The following FLNB variants were observed in gnomAD, a reference collection of about 807,000 sequenced individuals.
FLNB encodes filamin-B.
Under a neutral mutation model 250.6 loss-of-function variants are expected in FLNB, and 111 were observed. The observed-to-expected ratio is 0.44, with a 90% CI of 0.38 to 0.52. The LOEUF (loss-of-function observed/expected upper bound fraction) is 0.52, where lower values mean the gene tolerates loss of function less well. Among genes scored for constraint, FLNB ranks in the 20% least tolerant of loss-of-function variants. The pLI, the probability that FLNB is intolerant of heterozygous loss-of-function variation, is 0.00. For synonymous variants in FLNB, 1,302 were observed against 1,372.1 expected, an observed-to-expected ratio of 0.95 and a Z score of 1.13; for missense variants, 2,869 against 3,447.8, an observed-to-expected ratio of 0.83 and a Z score of 4.20.
rs2097292361 is a variant in FLNB at position 58,123,448 on chromosome 3, C to T, written c.3482C>T (p.Ala1161Val). 3.1e-6 allele frequency: 5 copies of T among 1,610,050 alleles called. No individual in the cohort carries two copies. The highest frequency in any genetic ancestry group is 4.2e-6 in the Non-Finnish European group (5 of 1,177,098). ...AGLLSVDCSE[A>V]GPGALGLEAV... ...CTCCTTAGCGTCGACTGCTCGGAAG[C>T]GGGACCGGGGGCCCTGGGCCTGGAA... The change falls in exon 21 of 46, where the codon GCG becomes GTG. Residue 1161 changes from alanine (A) to valine (V), a missense_variant. Ala to Val is a moderately conservative substitution (Grantham distance 64). Transcript: ENST00000295956.
In FLNB at chr3:58,150,426, A is replaced by G; in HGVS notation, c.6367+199A>G. 4.7e-6 allele frequency: 3 copies of G among 632,942 alleles called. No homozygotes were observed. In the South Asian group the frequency reaches 5.9e-5, roughly 12 times the overall value. 39.2% of individuals were successfully genotyped at this position (632,942 alleles called of 1,614,324 possible). On this transcript the variant is annotated intron_variant, in intron 38 of 45. Transcript: ENST00000295956. ...TCTCATCCAAGAAAAACAAATGTTTACCTTGCTACCTTTTTCCTCTTCCAA... is the reference window on the plus strand; with the variant it reads ...TCTCATCCAAGAAAAACAAATGTTTGCCTTGCTACCTTTTTCCTCTTCCAA...
intron 1 of FLNB, among the ~76,000 whole-genome samples, chr3:58,031,387 C>CGT (rs2097130791): frequency 6.6e-6 from 1 of 150,636 alleles, no homozygotes; most frequent in Non-Finnish European, 1.5e-5. Flanking sequence ...GGACTACAGG[C>CGT]GCCCGCCACC....
At position 58,170,807 on chromosome 3, in the gene FLNB, G is replaced by A. The variant is rs2097381443; in HGVS notation, c.*45G>A. The A allele has an allele frequency of 1.9e-6, 3 of 1,573,172 alleles. No individual in the cohort carries two copies. The highest frequency in any genetic ancestry group is 2.6e-6 in the Non-Finnish European group (3 of 1,148,418). The stretch of plus-strand genomic sequence containing the variant: ...GGAGAGAGTTCTTGTGGTTGCTTTT[G>A]TTGCTTGTTTGTAATTCATTTTATA... On this transcript the variant is annotated 3_prime_UTR_variant, in exon 46 of 46. Transcript: ENST00000295956.
Position 58,169,695 on chromosome 3 carries a change from C to T in FLNB, c.7523C>T (p.Ala2508Val), listed in dbSNP as rs780665621. The change falls in exon 45 of 46, where the codon GCA becomes GTA. Residue 2508 changes from alanine (A) to valine (V), a missense_variant. This residue lies in a region of FLNB where 1,084 missense variants were observed against 1,315.5 expected (regional missense o/e 0.82). Transcript: ENST00000295956. This position sits in a 1 kb window ranked among gnomAD's most constrained non-coding sequence, Gnocchi z 4.8. ...ACCTGCTATAGCGCCATTCCCAAGGCATCCTCGGACGCCAGCAAGGTGACC... is the reference window on the plus strand; with the variant it reads ...ACCTGCTATAGCGCCATTCCCAAGGTATCCTCGGACGCCAGCAAGGTGACC... ...TETCYSAIPK[A>V]SSDASKVTSK... 2 of 1,614,108 alleles carry T rather than the reference C, an allele frequency of 1.2e-6. No individual in the cohort carries two copies. The highest frequency in any genetic ancestry group is 1.7e-5 in the Admixed American group (1 of 60,022).
intron 36 of FLNB, chr3:58,149,517 A>C: frequency 5.1e-6 from 2 of 392,348 alleles, no homozygotes; most frequent in Non-Finnish European, 9.5e-6. Context: ...ATAAACCCCC[A>C]AGGTGGTACG....
chr3:58,070,770 T>C (rs916740132), intron 1 of FLNB, among the ~76,000 whole-genome samples: 3 of 151,060 alleles, frequency 2.0e-5, no homozygotes, highest in African/African-American at 7.3e-5. Context: ...GGCGATTCTC[T>C]TGCCTCAGCC....
rs1248031462 is a variant in FLNB, at chr3:58,164,447, G to A, written c.7198+1117G>A. On this transcript the variant is annotated intron_variant, in intron 43 of 45. Coordinates refer to ENST00000295956, the MANE Select transcript of FLNB (RefSeq NM_001457.4). This position sits in a 1 kb window ranked among gnomAD's most constrained non-coding sequence, Gnocchi z 4.0. ...TATGTCCTGGTTTCTTGAGTCTCTT[G>A]TGTGTGTACCCCCACCCCGCATAAG... 6.6e-6 allele frequency: 1 copy of A among 152,320 alleles called. No individual in the cohort carries two copies. Among genetic ancestry groups the A allele is most frequent in the African/African-American group, 2.4e-5 (1 of 41,460 alleles). The allele number at this position is 152,320 out of a possible 1,614,324, so 9.4% of individuals were successfully genotyped here. A position where few individuals can be genotyped will look rare whatever the true frequency, so the allele number is the denominator to read the frequency against.
intron 8 of FLNB, 53 bp downstream of exon 8, chr3:58,098,961 C>T (rs1207601250): frequency 2.0e-6 from 3 of 1,511,472 alleles, no homozygotes; most frequent in Admixed American, 3.3e-5. Flanking sequence ...GCTGACTGCA[C>T]AGCTGGGCAG....
chr3:58,051,278 C>T (rs1015164417), intron 1 of FLNB, among the ~76,000 whole-genome samples: 2 of 152,216 alleles, frequency 1.3e-5, no homozygotes, highest in African/African-American at 4.8e-5. Flanking sequence ...TTCCAGTTCA[C>T]TGTTCACCAT....
At chr3:58,028,702 C>A (rs1157441995) in intron 1 of FLNB, among the ~76,000 whole-genome samples, 1 of 150,600 alleles carries the variant, frequency 6.6e-6, no homozygotes, top group Non-Finnish European at 1.5e-5. Context: ...CAACCTCCGC[C>A]TCCCTGGTTC....
intron 24 of FLNB, among the ~76,000 whole-genome samples, chr3:58,127,732 C>A (rs925874724): frequency 5.9e-5 from 9 of 152,184 alleles, no homozygotes; most frequent in Admixed American, 5.9e-4. Flanking sequence ...TGTAAAGATT[C>A]AAACAATAAA....
chr3:58,151,361 C>T (rs1405808962), intron 38 of FLNB: 1 of 132,692 alleles, frequency 7.5e-6, no homozygotes, highest in Non-Finnish European at 1.5e-5. Context: ...CGCTGCACTC[C>T]AGCCTGGGCA....
Position 58,056,105 on chromosome 3 carries a change from A to ATT in FLNB, c.293-20928_293-20927dup, listed in dbSNP as rs781244971. 3.1e-4 allele frequency among the ~76,000 whole-genome samples: 40 copies of ATT among 128,766 alleles called. 1 individual carries two copies. In the South Asian group the frequency reaches 6.6e-3, roughly 21 times the overall value. 84.5% of individuals were successfully genotyped at this position (128,766 alleles called of 152,430 possible). A position where few individuals can be genotyped will look rare whatever the true frequency, so the allele number is the denominator to read the frequency against. On this transcript the variant is annotated intron_variant, in intron 1 of 45. Transcript: ENST00000295956. The stretch of plus-strand genomic sequence containing the variant: ...TATTTATTTATTTATTTATTTATTT[A>ATT]TTTTTTTTTTTTTTGAGGTGGAGTC...
intron 24 of FLNB, among the ~76,000 whole-genome samples, chr3:58,127,841 C>A (rs1171776430): frequency 2.0e-5 from 3 of 152,192 alleles, no homozygotes; most frequent in Non-Finnish European, 2.9e-5. Flanking sequence ...TTGTCACCCC[C>A]ACACATTTTA....
At chr3:58,052,150 A>T (rs1048847678) in intron 1 of FLNB, among the ~76,000 whole-genome samples, 2 of 152,156 alleles carry the variant, frequency 1.3e-5, no homozygotes, top group Non-Finnish European at 1.5e-5. Flanking sequence ...GGCCTACCAA[A>T]GTGCTGGGAT....
rs569507014 is a variant in FLNB at position 58,011,230 on chromosome 3, C to T, written c.292+2374C>T. ...CCCAGCCCGGTCCTCCTTTTATTTTCGAATCCACTCAGGCCCTAGCTACTC... is the reference window on the plus strand; with the variant it reads ...CCCAGCCCGGTCCTCCTTTTATTTTTGAATCCACTCAGGCCCTAGCTACTC... On this transcript the variant is annotated intron_variant, in intron 1 of 45. Transcript: ENST00000295956. Among the ~76,000 whole-genome samples, 7 of 152,126 alleles carry T rather than the reference C, an allele frequency of 4.6e-5. No individual in the cohort carries two copies. The South Asian group carries it at 6.2e-4, about 14-fold the overall frequency.
chr3:58,010,157 G>C (rs1222311825), intron 1 of FLNB, among the ~76,000 whole-genome samples: 3 of 152,232 alleles, frequency 2.0e-5, no homozygotes, highest in South Asian at 4.1e-4. Flanking sequence ...GGCAGAGGAG[G>C]GTTCTGGGTC....
At chr3:58,154,572 C>A in intron 39 of FLNB, 2 of 509,052 alleles carry the variant, frequency 3.9e-6, no homozygotes, top group Non-Finnish European at 7.1e-6. Flanking sequence ...GACATGTCTT[C>A]AGAGGACTCC....
At chr3:58,019,393 G>A (rs1163481905) in intron 1 of FLNB, among the ~76,000 whole-genome samples, 1 of 152,180 alleles carries the variant, frequency 6.6e-6, no homozygotes, top group Non-Finnish European at 1.5e-5. Flanking sequence ...TTGGGCCTGA[G>A]TCTTTCAGGC....
Sources: gnomAD v4.1 joint callset for allele counts (sites outside exome capture counted in the v4.1 genomes callset) on GRCh38, gnomAD v4.1.1 for gene constraint, gnomAD v4.1.1 regional missense constraint, Gnocchi (gnomAD v3.1) non-coding constraint, MANE v1.5 for transcripts, NCBI Gene and HGNC (gene_info 2026-07-23, HGNC 2026-07-21) for gene names.